Variants in WDR4 observed in about 807,000 individuals in gnomAD.
WDR4 encodes the protein WDR4 tRNA N7-guanosine methyltransferase non-catalytic subunit.
In WDR4, 47 loss-of-function variants were observed where a neutral mutation model predicts 48.6. That is an observed-to-expected ratio of 0.97 (90% CI 0.77 to 1.23). The LOEUF is 1.23. Ranked by LOEUF, WDR4 falls within the 50% of genes most tolerant of loss-of-function variation. The pLI, the probability that WDR4 is intolerant of heterozygous loss-of-function variation, is 0.00. For synonymous variants in WDR4, 268 were observed against 230.0 expected (o/e 1.17, Z -1.49); for missense variants, 606 against 551.6 (o/e 1.10, Z -0.99).
At chr21:42,879,984 G>A (rs140896552), upstream of WDR4, 761 of 389,848 alleles carry the variant, frequency 2.0e-3, 5 homozygotes, top group African/African-American at 0.013. Context: ...ACAAAAATTT[G>A]TTGGGCGTGG....
intron 4 of WDR4, 56 bp downstream of exon 4, chr21:42,863,384 C>G (rs2058162807): frequency 4.4e-6 from 7 of 1,574,452 alleles, no homozygotes; most frequent in African/African-American, 1.4e-5. Context: ...GCCACGTCCC[C>G]CATGTACCGT....
In WDR4 at chr21:42,849,901, T is replaced by C; in HGVS notation, c.*148A>G. The C allele has an allele frequency of 1.0e-6, 1 of 968,570 alleles. No individual in the cohort carries two copies. Among genetic ancestry groups the C allele is most frequent in the Non-Finnish European group, 1.5e-6 (1 of 663,448 alleles). 60.0% of individuals were successfully genotyped at this position (968,570 alleles called of 1,614,324 possible). ...CCTGTGCTGGTGACACAGAATGTTC[T>C]TTCTAGAGCCCAGGGGACAGCCCCA... is the stretch of plus-strand genomic sequence containing the variant. On this transcript the variant is annotated 3_prime_UTR_variant, in exon 11 of 11. Coordinates refer to ENST00000398208, the MANE Select transcript of WDR4 (RefSeq NM_018669.6).
intron 5 of WDR4, among the ~76,000 whole-genome samples, chr21:42,859,948 G>C (rs945396378): frequency 2.0e-5 from 3 of 152,220 alleles, no homozygotes; most frequent in African/African-American, 4.8e-5. Flanking sequence ...GGTCATTCCT[G>C]GGTCCCCAAC....
chr21:42,864,712 C>G (rs2058209913), intron 3 of WDR4, among the ~76,000 whole-genome samples: 1 of 152,240 alleles, frequency 6.6e-6, no homozygotes, highest in South Asian at 2.1e-4. Context: ...TTCGCTCCCT[C>G]TCCTTCGCCA....
chr21:42,863,337 T>C (rs552059769), intron 4 of WDR4, 103 bp downstream of exon 4: 309 of 1,415,908 alleles, frequency 2.2e-4, no homozygotes, highest in Admixed American at 4.0e-4. Context: ...GCCTGAGCCT[T>C]GACAGGGTAG....
intron 6 of WDR4, 104 bp downstream of exon 6, chr21:42,859,558 C>CGATCCA (rs1555975345): frequency 1.6e-4 from 135 of 820,434 alleles, no homozygotes; most frequent in Non-Finnish European, 2.2e-4. Context: ...CCACAGCCAG[C>CGATCCA]CAGGGGCCAG....
intron 6 of WDR4, 66 bp downstream of exon 6, chr21:42,859,596 C>CGTG: frequency 2.1e-6 from 1 of 467,726 alleles, no homozygotes; most frequent in Non-Finnish European, 3.9e-6. Flanking sequence ...GTCCAGGAGG[C>CGTG]GCCCACCCCA....
At chr21:42,852,771 C>T (rs1294867150) in intron 9 of WDR4, among the ~76,000 whole-genome samples, 4 of 152,056 alleles carry the variant, frequency 2.6e-5, no homozygotes, top group South Asian at 2.1e-4. Flanking sequence ...CAAAATTAGC[C>T]GGGTGTGGTG....
At chr21:42,846,335 T>C (rs2145978733), downstream of WDR4, among the ~76,000 whole-genome samples, 1 of 151,620 alleles carries the variant, frequency 6.6e-6, no homozygotes, top group South Asian at 2.1e-4. Flanking sequence ...TCACAGAGAG[T>C]GGAGCAGAAG....
At chr21:42,846,832 G>C (rs967501961), downstream of WDR4, among the ~76,000 whole-genome samples, 21 of 152,174 alleles carry the variant, frequency 1.4e-4, no homozygotes, top group Non-Finnish European at 7.3e-5. Context: ...GACCAGCCTG[G>C]CAAACATGGC....
At chr21:42,856,603 G>A (rs2057998581) in intron 6 of WDR4, among the ~76,000 whole-genome samples, 1 of 152,072 alleles carries the variant, frequency 6.6e-6, no homozygotes, top group Non-Finnish European at 1.5e-5. Context: ...ATTCAGTGGA[G>A]AGAAATAAAT....
At chr21:42,852,374 A>G (rs2057855785) in intron 9 of WDR4, 50 bp from the exon 10 acceptor site, 1 of 1,597,286 alleles carries the variant, frequency 6.3e-7, no homozygotes, top group Non-Finnish European at 8.6e-7. Flanking sequence ...AGGCCTGGAA[A>G]CCCAGCACCA....
At chr21:42,874,038 A>G (rs2058432964) in intron 2 of WDR4, among the ~76,000 whole-genome samples, 1 of 152,188 alleles carries the variant, frequency 6.6e-6, no homozygotes, top group Admixed American at 6.6e-5. Flanking sequence ...ATAACAGGCC[A>G]GGTATGGTAG....
chr21:42,875,582 C>T (rs2058471519), intron 2 of WDR4, among the ~76,000 whole-genome samples: 1 of 152,102 alleles, frequency 6.6e-6, no homozygotes, highest in Non-Finnish European at 1.5e-5. Context: ...TTGGCATGTG[C>T]CTGTAGTCCC....
intron 3 of WDR4, among the ~76,000 whole-genome samples, chr21:42,869,678 AG>A (rs1175942502): frequency 6.6e-6 from 1 of 152,030 alleles, no homozygotes; most frequent in African/African-American, 2.4e-5. Context: ...AAAAAAAAAA[AG>A]TTTACAAAAC....
chr21:42,852,170 G>A (rs767109888), intron 10 of WDR4, 85 bp downstream of exon 10: 136 of 1,397,922 alleles, frequency 9.7e-5, no homozygotes, highest in Non-Finnish European at 1.2e-4. Context: ...CAGGTACCCC[G>A]GGCAGGTCAC....
chr21:42,889,005 C>T, the WDR4 span, among the ~76,000 whole-genome samples: 1 of 150,290 alleles, frequency 6.7e-6, no homozygotes, highest in East Asian at 2.0e-4. Context: ...TGCCCAGCCT[C>T]TAAATTTATC....
At chr21:42,864,690 C>T (rs1738707035) in intron 3 of WDR4, among the ~76,000 whole-genome samples, 1 of 152,208 alleles carries the variant, frequency 6.6e-6, no homozygotes, top group African/African-American at 2.4e-5. Flanking sequence ...TCAGCAAGAA[C>T]CAAAGTCACA....
At chr21:42,851,910 A>C (rs1663187976) in intron 10 of WDR4, among the ~76,000 whole-genome samples, 2 of 152,160 alleles carry the variant, frequency 1.3e-5, no homozygotes, top group South Asian at 4.1e-4. Flanking sequence ...CCTCAACACC[A>C]TGGACCAGGC....
Sources: allele counts gnomAD v4.1 joint callset (sites outside exome capture counted in the v4.1 genomes callset), GRCh38; gene constraint gnomAD v4.1.1; transcripts MANE v1.5; gene names NCBI Gene and HGNC (gene_info 2026-07-23, HGNC 2026-07-21).